The following ETS2 variants were observed in gnomAD, a reference collection of about 807,000 sequenced individuals.
ETS2 encodes the protein ETS proto-oncogene 2, transcription factor, also known as protein C-ets-2.
In ETS2, 19 loss-of-function variants were observed where a neutral mutation model predicts 54.9. The ratio of observed to expected loss-of-function variants is 0.35; its 90% CI spans 0.24 to 0.51. ETS2 has a LOEUF of 0.51. ETS2 is among the 20% of genes least tolerant of loss of function. The pLI is 0.97. For synonymous variants in ETS2, 219 were observed against 229.3 expected, an observed-to-expected ratio of 0.95 and a Z score of 0.41; for missense variants, 417 against 593.0, an observed-to-expected ratio of 0.70 and a Z score of 3.08.
chr21:38,807,159 G>T (rs1299025435), intron 1 of ETS2, among the ~76,000 whole-genome samples: 1 of 152,158 alleles, frequency 6.6e-6, no homozygotes, highest in Non-Finnish European at 1.5e-5. Flanking sequence ...CCGACCATCC[G>T]CAGGGAAATG....
intron 5 of ETS2, 132 bp from the exon 6 acceptor site, chr21:38,816,876 G>C: frequency 1.7e-6 from 1 of 583,742 alleles, no homozygotes; most frequent in Non-Finnish European, 3.0e-6. Context: ...AGCACCATGA[G>C]ATTAAATGTG....
intron 8 of ETS2, among the ~76,000 whole-genome samples, chr21:38,820,970 G>A (rs116878716): frequency 0.026 from 3,938 of 152,300 alleles, 82 homozygotes; most frequent in Non-Finnish European, 0.042. Flanking sequence ...AGTTCTAAAT[G>A]TCAATCGAGG....
intron 1 of ETS2, among the ~76,000 whole-genome samples, chr21:38,807,201 ATC>A (rs2060897006): frequency 6.6e-6 from 1 of 152,240 alleles, no homozygotes. Flanking sequence ...TTAGTCATTC[ATC>A]TCTCTAAACT....
chr21:38,819,854 A>G lies in ETS2; in HGVS notation c.1075+88A>G, dbSNP rs878956451. On this transcript the variant is annotated intron_variant, in intron 8 of 9. Transcript: ENST00000360938. The stretch of plus-strand genomic sequence containing the variant: ...TCGAGCCACAGTACCACATTCACCG[A>G]GGGTGTTTCTAAGCTAGGTACACCA... 1.6e-5 allele frequency: 22 copies of G among 1,362,818 alleles called. No homozygotes were observed. The South Asian group carries it at 1.6e-4, about 10-fold the overall frequency. The allele number at this position is 1,362,818 out of a possible 1,614,324, so 84.4% of individuals were successfully genotyped here. A position where few individuals can be genotyped will look rare whatever the true frequency, so the allele number is the denominator to read the frequency against.
chr21:38,805,991 C>A lies in ETS2; in HGVS notation c.-130C>A. 1 of 1,264,102 alleles carries A rather than the reference C, an allele frequency of 7.9e-7. No individual in the cohort carries two copies. Among genetic ancestry groups the A allele is most frequent in the Non-Finnish European group, 1.0e-6 (1 of 979,156 alleles). 78.3% of individuals were successfully genotyped at this position (1,264,102 alleles called of 1,614,324 possible). On this transcript the variant is annotated 5_prime_UTR_variant, in exon 1 of 10. Coordinates refer to ENST00000360938, the MANE Select transcript of ETS2 (RefSeq NM_005239.6). This position sits in a 1 kb window ranked among gnomAD's most constrained non-coding sequence, Gnocchi z 5.2. ...TCCAGCTCAGAGCTCCCGGAGCCGC[C>A]CGGCCAGCGTCCGGCCTCCCTGATC...
At chr21:38,820,023 A>G (rs2060951612) in intron 8 of ETS2, among the ~76,000 whole-genome samples, 1 of 152,222 alleles carries the variant, frequency 6.6e-6, no homozygotes, top group African/African-American at 2.4e-5. Context: ...GGACGTTCTG[A>G]GGAATAGTTG....
intron 6 of ETS2, among the ~76,000 whole-genome samples, chr21:38,817,857 G>A (rs1364148768): frequency 6.6e-6 from 1 of 152,144 alleles, no homozygotes; most frequent in Non-Finnish European, 1.5e-5. Context: ...CCCCACTGGG[G>A]GCTTCCTGCT....
At chr21:38,805,252 C>G, upstream of ETS2, 1 of 1,010,242 alleles carries the variant, frequency 9.9e-7, no homozygotes, top group Non-Finnish European at 1.3e-6. This position sits in a 1 kb window ranked among gnomAD's most constrained non-coding sequence, Gnocchi z 5.2. Flanking sequence ...GACTCGGGGA[C>G]ACAGCCAGGG....
upstream of ETS2, chr21:38,805,868 TCCTCCTC>T (rs1031107660): frequency 7.0e-5 from 83 of 1,178,844 alleles, no homozygotes; most frequent in Non-Finnish European, 8.3e-5. This position sits in a 1 kb window ranked among gnomAD's most constrained non-coding sequence, Gnocchi z 5.2. Context: ...CGTCCCTCCT[TCCTCCTC>T]CCTCCTCCCT....
At chr21:38,809,992 C>T (rs935140901) in intron 1 of ETS2, 43 bp from the exon 2 acceptor site, 2 of 1,346,464 alleles carry the variant, frequency 1.5e-6, no homozygotes, top group Non-Finnish European at 2.1e-6. Flanking sequence ...GTTTAGTGTA[C>T]TTAATCTTTT....
chr21:38,820,926 C>G (rs1435122907), intron 8 of ETS2, among the ~76,000 whole-genome samples: 1 of 152,206 alleles, frequency 6.6e-6, no homozygotes, highest in Non-Finnish European at 1.5e-5. Flanking sequence ...CTCTTTAGAA[C>G]AGAACCACAC....
Position 38,821,018 on chromosome 21 carries a change from CCAGA to C in ETS2, c.1076-563_1076-560del, listed in dbSNP as rs1417486615. ...GAAGCTCTTGGCAAAGCATGCTTCACCAGACAGAGGCTGTGAGGCAACGGGTGTG... is the reference window on the plus strand; with the variant it reads ...GAAGCTCTTGGCAAAGCATGCTTCACCAGAGGCTGTGAGGCAACGGGTGTG... On this transcript the variant is annotated intron_variant, in intron 8 of 9. Transcript: ENST00000360938. The surrounding 1 kb of genome is among the most constrained non-coding windows in gnomAD (Gnocchi z 4.2). 6.6e-6 allele frequency among the ~76,000 whole-genome samples: 1 copy of C among 152,218 alleles called. No homozygotes were observed. Among genetic ancestry groups the C allele is most frequent in the Admixed American group, 6.5e-5 (1 of 15,282 alleles).
At position 38,806,706 on chromosome 21, in the gene ETS2, C is replaced by G. The variant is rs970532679; in HGVS notation, c.-1+586C>G. On this transcript the variant is annotated intron_variant, in intron 1 of 9. Coordinates refer to ENST00000360938, the MANE Select transcript of ETS2 (RefSeq NM_005239.6). This position sits in a 1 kb window ranked among gnomAD's most constrained non-coding sequence, Gnocchi z 4.3. ...CCGCGTCCAGGGCCCGGGCTGGGGA[C>G]CCCTCGGTCGTGCGAGGAGAGCGTG... is the stretch of plus-strand genomic sequence containing the variant. 1.2e-4 allele frequency: 123 copies of G among 985,364 alleles called. No individual in the cohort carries two copies. The highest frequency in any genetic ancestry group is 1.4e-4 in the Non-Finnish European group (119 of 829,986). The allele number at this position is 985,364 out of a possible 1,614,324, so 61.0% of individuals were successfully genotyped here. A position where few individuals can be genotyped will look rare whatever the true frequency, so the allele number is the denominator to read the frequency against.
Position 38,817,073 on chromosome 21 carries a change from A to G in ETS2, c.571A>G (p.Ile191Val). 2 of 1,604,516 alleles carry G rather than the reference A, an allele frequency of 1.2e-6. No homozygotes were observed. Among genetic ancestry groups the G allele is most frequent in the Non-Finnish European group, 1.7e-6 (2 of 1,171,330 alleles). ...NSHLTSVPHWINSNTLGFGTE... is the reference protein window; with the variant it reads ...NSHLTSVPHWVNSNTLGFGTE... ...ACACCTCACCTCCGTTCCTCATTGG[A>G]TTAACAGCAATACATTAGGTCAGTC... is the stretch of plus-strand genomic sequence containing the variant. Residue 191 changes from isoleucine to valine, a missense_variant, in exon 6 of 10, where the codon ATT becomes GTT. Transcript: ENST00000360938.
intron 9 of ETS2, among the ~76,000 whole-genome samples, chr21:38,822,334 G>A (rs938908864): frequency 6.6e-6 from 1 of 152,228 alleles, no homozygotes; most frequent in African/African-American, 2.4e-5. Flanking sequence ...AACTTCAGTA[G>A]TTGGAATATC....
At chr21:38,805,908 G>C (rs1392873208), upstream of ETS2, 3 of 1,235,262 alleles carry the variant, frequency 2.4e-6, no homozygotes, top group South Asian at 1.3e-5. The surrounding 1 kb of genome is among the most constrained non-coding windows in gnomAD (Gnocchi z 5.2). Flanking sequence ...CCTGAAGAGC[G>C]CGCCGCGTGG....
chr21:38,824,661 T>G lies in ETS2; in HGVS notation c.*1772T>G, dbSNP rs1226269100. On this transcript the variant is annotated 3_prime_UTR_variant, in exon 10 of 10. Coordinates refer to ENST00000360938, the MANE Select transcript of ETS2 (RefSeq NM_005239.6). The stretch of plus-strand genomic sequence containing the variant: ...CACAGGATGTTTTTCTCAAGAGGGA[T>G]GTATTTATCACTTGGACATCTGTTT... 6.5e-6 allele frequency: 1 copy of G among 152,712 alleles called. No individual in the cohort carries two copies. Among genetic ancestry groups the G allele is most frequent in the East Asian group, 1.9e-4 (1 of 5,178 alleles). 9.5% of individuals were successfully genotyped at this position (152,712 alleles called of 1,614,324 possible).
Position 38,814,764 on chromosome 21 carries a change from T to C in ETS2, c.305-17T>C, listed in dbSNP as rs1322549630. 6.2e-7 allele frequency: 1 copy of C among 1,611,820 alleles called. No individual in the cohort carries two copies. Among genetic ancestry groups the C allele is most frequent in the African/African-American group, 1.3e-5 (1 of 74,844 alleles). The stretch of plus-strand genomic sequence containing the variant: ...GTTTTTACCTCATGTGTTCCATTTT[T>C]TCTTCTCTCCTGGTAGACCCCTGGC... On this transcript the variant is annotated splice_polypyrimidine_tract_variant and intron_variant, in intron 4 of 9. Coordinates refer to ENST00000360938, the MANE Select transcript of ETS2 (RefSeq NM_005239.6). The surrounding 1 kb of genome is among the most constrained non-coding windows in gnomAD (Gnocchi z 4.2).
At chr21:38,818,757 G>A in intron 7 of ETS2, 111 bp downstream of exon 7, 1 of 1,253,744 alleles carries the variant, frequency 8.0e-7, no homozygotes, top group Non-Finnish European at 1.1e-6. Flanking sequence ...AGAGAAGGGG[G>A]TCAAAGCCCA....
Sources: allele counts gnomAD v4.1 joint callset (sites outside exome capture counted in the v4.1 genomes callset), GRCh38; gene constraint gnomAD v4.1.1; non-coding constraint Gnocchi (gnomAD v3.1); transcripts MANE v1.5; gene names NCBI Gene and HGNC (gene_info 2026-07-23, HGNC 2026-07-21).